RSPO1: variants seen among roughly 807,000 people sequenced by gnomAD.
RSPO1 encodes R-spondin-1.
RSPO1 carries 18 observed loss-of-function variants against 26.0 expected under a neutral mutation model. The ratio of observed to expected loss-of-function variants is 0.69; its 90% CI spans 0.48 to 1.03. The LOEUF is 1.03. Among genes scored for constraint, RSPO1 ranks in the 50% least tolerant of loss-of-function variants. The pLI is 0.00. For synonymous variants in RSPO1, 133 were observed against 137.4 expected, an observed-to-expected ratio of 0.97 and a Z score of 0.22; for missense variants, 309 against 352.3, an observed-to-expected ratio of 0.88 and a Z score of 0.98.
At chr1:37,628,296 G>A (rs1038884315) in intron 3 of RSPO1, among the ~76,000 whole-genome samples, 2 of 152,212 alleles carry the variant, frequency 1.3e-5, no homozygotes, top group Non-Finnish European at 2.9e-5. Context: ...TGAGAAGGGA[G>A]GAAAATCAAG....
chr1:37,612,553 G>T lies in RSPO1; in HGVS notation c.*202C>A. On this transcript the variant is annotated 3_prime_UTR_variant, in exon 7 of 7. Coordinates refer to ENST00000356545, the MANE Select transcript of RSPO1 (RefSeq NM_001242908.2). ...GTGTGTGGTGTCTGTGTCTGCGTGT[G>T]TACATGAACACACATGTGCAAGTAT... The T allele has an allele frequency of 1.6e-6, 1 of 644,690 alleles. No homozygotes were observed. Among genetic ancestry groups the T allele is most frequent in the Admixed American group, 2.3e-5 (1 of 43,656 alleles). 39.9% of individuals were successfully genotyped at this position (644,690 alleles called of 1,614,324 possible).
Position 37,629,628 on chromosome 1 carries a change from G to A in RSPO1, c.34C>T (p.Leu12=). 1 of 1,614,092 alleles carries A rather than the reference G, an allele frequency of 6.2e-7. No individual in the cohort carries two copies. The highest frequency in any genetic ancestry group is 8.5e-7 in the Non-Finnish European group (1 of 1,180,034). ...RLGLCVVALV[L]SWTHLTISSR... ...CTGATGGTGAGGTGCGTCCAGCTCA[G>A]AACCAGGGCCACCACACACAGCCCA... The change falls in exon 3 of 7, where the codon CTG becomes TTG. Residue 12 remains leucine (L), a synonymous_variant. Coordinates refer to ENST00000356545, the MANE Select transcript of RSPO1 (RefSeq NM_001242908.2).
chr1:37,629,911 C>T lies in RSPO1; in HGVS notation c.-250G>A, dbSNP rs1158799764. ...TACCTCGGAATATCATATGAGAGAT[C>T]TTTTTGTCACGTCAGCAGGGACTAC... On this transcript the variant is annotated 5_prime_UTR_variant, in exon 3 of 7. Coordinates refer to ENST00000356545, the MANE Select transcript of RSPO1 (RefSeq NM_001242908.2). 12 of 1,541,958 alleles carry T rather than the reference C, an allele frequency of 7.8e-6. No individual in the cohort carries two copies. In the South Asian group the frequency reaches 1.1e-4, roughly 14 times the overall value.
At chr1:37,620,370 T>A (rs1644181869) in intron 3 of RSPO1, among the ~76,000 whole-genome samples, 3 of 152,046 alleles carry the variant, frequency 2.0e-5, no homozygotes. Flanking sequence ...AATAATAGAC[T>A]GGCCAAGGTG....
chr1:37,618,754 T>C, intron 3 of RSPO1, among the ~76,000 whole-genome samples: 1 of 151,806 alleles, frequency 6.6e-6, no homozygotes, highest in South Asian at 2.1e-4. Context: ...GGGTGAGCTG[T>C]GGGGCCAGAC....
Position 37,626,789 on chromosome 1 carries a change from C to T in RSPO1, c.94+2779G>A, listed in dbSNP as rs116034881. 4.0e-3 allele frequency among the ~76,000 whole-genome samples: 602 copies of T among 152,040 alleles called. 5 individuals carry two copies. Among genetic ancestry groups the T allele is most frequent in the African/African-American group, 0.014 (577 of 41,468 alleles). On this transcript the variant is annotated intron_variant, in intron 3 of 6. Coordinates refer to ENST00000356545, the MANE Select transcript of RSPO1 (RefSeq NM_001242908.2). Reference sequence around the variant, plus strand: ...GGAGGCAGGACTGAGAGAGGGGGCCCAAGAATCAGAGAGGAGAAGGGGCTC... The same window carrying T: ...GGAGGCAGGACTGAGAGAGGGGGCCTAAGAATCAGAGAGGAGAAGGGGCTC...
chr1:37,613,714 C>A lies in RSPO1; in HGVS notation c.615G>T (p.Pro205=), dbSNP rs372861038. ...ETRRCTVRRV[P]CPEGQKRRKG... is the part of the protein sequence containing the mutation. ...GAGGCTGCAGCTCACCCTCAGGACA[C>A]GGCACTCTCCTCACTGTGCACCTCC... Residue 205 remains proline (P), a synonymous_variant, in exon 6 of 7, where the codon CCG becomes CCT. Transcript: ENST00000356545. This position sits in a 1 kb window ranked among gnomAD's most constrained non-coding sequence, Gnocchi z 4.5. 1 of 1,613,012 alleles carries A rather than the reference C, an allele frequency of 6.2e-7. No individual in the cohort carries two copies. Among genetic ancestry groups the A allele is most frequent in the African/African-American group, 1.3e-5 (1 of 74,898 alleles).
chr1:37,626,318 A>G (rs569423712), intron 3 of RSPO1, among the ~76,000 whole-genome samples: 1 of 152,294 alleles, frequency 6.6e-6, no homozygotes, highest in East Asian at 1.9e-4. Context: ...TCCAACAGAA[A>G]AAATATGAGC....
intron 3 of RSPO1, 124 bp downstream of exon 3, chr1:37,629,444 A>G (rs1644324019): frequency 3.9e-6 from 3 of 764,256 alleles, no homozygotes; most frequent in Non-Finnish European, 2.3e-6. Context: ...CTACAAAGCT[A>G]TAATAGATAG....
At position 37,630,132 on chromosome 1, in the gene RSPO1, C is replaced by T. The variant is rs12753021; in HGVS notation, c.-288-183G>A. Among the ~76,000 whole-genome samples, 11,807 of 152,214 alleles carry T rather than the reference C, an allele frequency of 0.078. 628 individuals carry two copies. The highest frequency in any genetic ancestry group is 0.2 in the Middle Eastern group (58 of 294). On this transcript the variant is annotated intron_variant, in intron 2 of 6. Coordinates refer to ENST00000356545, the MANE Select transcript of RSPO1 (RefSeq NM_001242908.2). ...CTTACAGAATTCCCTAACCTGGGAC[C>T]GGAGCCGGCAACCTGTGTAGCCAGA... is the stretch of plus-strand genomic sequence containing the variant.
chr1:37,631,567 A>C (rs964949373), intron 2 of RSPO1, among the ~76,000 whole-genome samples: 1 of 152,236 alleles, frequency 6.6e-6, no homozygotes, highest in Admixed American at 6.5e-5. Context: ...TAAACTTCAG[A>C]GTCAGACTGC....
At chr1:37,615,208 T>C (rs1644092849) in intron 4 of RSPO1, among the ~76,000 whole-genome samples, 1 of 152,110 alleles carries the variant, frequency 6.6e-6, no homozygotes, top group East Asian at 1.9e-4. Context: ...CCTCACAAAC[T>C]CCCACCATCC....
intron 2 of RSPO1, among the ~76,000 whole-genome samples, chr1:37,630,690 C>G (rs1161668979): frequency 2.6e-5 from 4 of 152,236 alleles, no homozygotes; most frequent in Non-Finnish European, 4.4e-5. Flanking sequence ...CTCCCCTGAT[C>G]AGATGTGTCT....
chr1:37,616,202 G>A (rs1270903174), intron 4 of RSPO1, among the ~76,000 whole-genome samples: 1 of 152,144 alleles, frequency 6.6e-6, no homozygotes, highest in African/African-American at 2.4e-5. Flanking sequence ...GATGGATGGG[G>A]TGGGAGAGGT....
intron 3 of RSPO1, among the ~76,000 whole-genome samples, chr1:37,627,539 A>G (rs1644296131): frequency 6.6e-6 from 1 of 152,110 alleles, no homozygotes; most frequent in Non-Finnish European, 1.5e-5. Flanking sequence ...AATCCCAGCT[A>G]CTTGGGAGGC....
Position 37,634,416 on chromosome 1 carries a change from G to A in RSPO1, c.-356+150C>T. 6.6e-6 allele frequency: 1 copy of A among 152,314 alleles called. No individual in the cohort carries two copies. Among genetic ancestry groups the A allele is most frequent in the Non-Finnish European group, 1.5e-5 (1 of 68,076 alleles). The allele number at this position is 152,314 out of a possible 1,614,324, so 9.4% of individuals were successfully genotyped here. On this transcript the variant is annotated intron_variant, in intron 1 of 6. Coordinates refer to ENST00000356545, the MANE Select transcript of RSPO1 (RefSeq NM_001242908.2). The surrounding 1 kb of genome is among the most constrained non-coding windows in gnomAD (Gnocchi z 4.7). ...GTGCAGGAGGTGCCCTGTCCTGATC[G>A]CCGACCGGAGAGCGATCAGACTCCC... is the stretch of plus-strand genomic sequence containing the variant.
rs745360920 is a variant in RSPO1 at position 37,616,473 on chromosome 1, C to A, written c.286+11G>T. The A allele has an allele frequency of 1.2e-6, 2 of 1,613,706 alleles. No homozygotes were observed. The highest frequency in any genetic ancestry group is 3.3e-5 in the Admixed American group (2 of 60,032). On this transcript the variant is annotated intron_variant, in intron 4 of 6. Transcript: ENST00000356545. ...ATGCCCCCTGCCCCCGACAGCCCTG[C>A]CCACACTCACTGATGCACTTGTTCA...
chr1:37,618,182 C>T (rs75546391), intron 3 of RSPO1, among the ~76,000 whole-genome samples: 1,611 of 152,186 alleles, frequency 0.011, 25 homozygotes, highest in African/African-American at 0.036. Flanking sequence ...ATGGCATTTC[C>T]CAAAAAGTAT....
At chr1:37,620,065 A>C (rs1156356084) in intron 3 of RSPO1, among the ~76,000 whole-genome samples, 1 of 152,112 alleles carries the variant, frequency 6.6e-6, no homozygotes, top group Admixed American at 6.6e-5. Flanking sequence ...GCACATTTTT[A>C]TAGATGAGGG....
Sources: allele counts gnomAD v4.1 joint callset (sites outside exome capture counted in the v4.1 genomes callset), GRCh38; gene constraint gnomAD v4.1.1; non-coding constraint Gnocchi (gnomAD v3.1); transcripts MANE v1.5; gene names NCBI Gene and HGNC (gene_info 2026-07-23, HGNC 2026-07-21).